The following KATNAL1 variants were observed in gnomAD, a reference collection of about 807,000 sequenced individuals.
KATNAL1 encodes the protein katanin catalytic subunit A1 like 1, also known as katanin p60 ATPase-containing subunit A-like 1.
Under a neutral mutation model 55.2 loss-of-function variants are expected in KATNAL1, and 32 were observed. The observed-to-expected ratio is 0.58, with a 90% confidence interval of 0.44 to 0.78. KATNAL1 has a LOEUF of 0.78. KATNAL1 is among the 30% of genes least tolerant of loss of function. The pLI is 0.00. For missense variants in KATNAL1, 466 were observed against 600.9 expected, an observed-to-expected ratio of 0.78 and a Z score of 2.35; for synonymous variants, 193 against 193.6, an observed-to-expected ratio of 1.00 and a Z score of 0.02.
At chr13:30,273,432 T>TA (rs1880529505) in intron 3 of KATNAL1, among the ~76,000 whole-genome samples, 1 of 152,204 alleles carries the variant, frequency 6.6e-6, no homozygotes, top group Non-Finnish European at 1.5e-5. Context: ...TAAAGTAACT[T>TA]AGAATCTTTA....
chr13:30,281,458 A>G (rs927474563), intron 2 of KATNAL1, among the ~76,000 whole-genome samples: 5 of 152,204 alleles, frequency 3.3e-5, no homozygotes, highest in African/African-American at 1.2e-4. Context: ...TATAAAAAAC[A>G]TTTCCATAAT....
intron 9 of KATNAL1, among the ~76,000 whole-genome samples, chr13:30,212,765 A>G (rs61946919): frequency 0.13 from 19,360 of 152,258 alleles, 1,586 homozygotes; most frequent in Admixed American, 0.23. Flanking sequence ...CCACCAAACA[A>G]TATGATGGAT....
At chr13:30,288,322 A>G (rs1024896821) in intron 1 of KATNAL1, among the ~76,000 whole-genome samples, 1 of 152,186 alleles carries the variant, frequency 6.6e-6, no homozygotes, top group Admixed American at 6.5e-5. Context: ...CATTCCAATT[A>G]AAGGTTAAAT....
rs1248983935 is a variant in KATNAL1, at chr13:30,205,560, C to G, written c.*2980G>C. ...CAAAACAAAACGAAGCAAAACAATT[C>G]AATCTCATTCTGGGTAAGGCAACAC... On this transcript the variant is annotated 3_prime_UTR_variant, in exon 11 of 11. Coordinates refer to ENST00000380615, the MANE Select transcript of KATNAL1 (RefSeq NM_032116.5). 1.3e-5 allele frequency: 2 copies of G among 152,238 alleles called. No individual in the cohort carries two copies. Among genetic ancestry groups the G allele is most frequent in the African/African-American group, 4.8e-5 (2 of 41,460 alleles). 9.4% of individuals were successfully genotyped at this position (152,238 alleles called of 1,614,324 possible). A position where few individuals can be genotyped will look rare whatever the true frequency, so the allele number is the denominator to read the frequency against.
chr13:30,277,333 T>C (rs1189890038), intron 3 of KATNAL1, among the ~76,000 whole-genome samples: 2 of 152,222 alleles, frequency 1.3e-5, no homozygotes, highest in Non-Finnish European at 2.9e-5. Flanking sequence ...TTCAATTCCA[T>C]GAAGTAGAGA....
intron 3 of KATNAL1, among the ~76,000 whole-genome samples, chr13:30,278,233 A>G (rs1460047514): frequency 6.6e-6 from 1 of 151,766 alleles, no homozygotes; most frequent in Non-Finnish European, 1.5e-5. Context: ...CAGACAATAT[A>G]CAATCTGAGA....
At chr13:30,245,928 C>A (rs1246253265) in intron 4 of KATNAL1, among the ~76,000 whole-genome samples, 2 of 152,172 alleles carry the variant, frequency 1.3e-5, no homozygotes, top group African/African-American at 2.4e-5. Flanking sequence ...ACATTCCATG[C>A]TCATGGATAG....
intron 3 of KATNAL1, among the ~76,000 whole-genome samples, chr13:30,257,692 C>A (rs919870386): frequency 6.6e-6 from 1 of 152,228 alleles, no homozygotes; most frequent in African/African-American, 2.4e-5. Flanking sequence ...AAAGCTCTTA[C>A]ACAGGCTGCA....
At chr13:30,224,106 G>A (rs1359476210) in intron 9 of KATNAL1, among the ~76,000 whole-genome samples, 1 of 151,874 alleles carries the variant, frequency 6.6e-6, no homozygotes, top group Non-Finnish European at 1.5e-5. Context: ...ATAACTAAAG[G>A]ACCAAAGAAA....
intron 4 of KATNAL1, among the ~76,000 whole-genome samples, chr13:30,241,911 A>G (rs1380200887): frequency 6.6e-6 from 1 of 152,178 alleles, no homozygotes; most frequent in Non-Finnish European, 1.5e-5. Flanking sequence ...TCACCCAAAA[A>G]AATAAATTAT....
At chr13:30,274,907 G>GCGCGCGCGCACACA (rs869107567) in intron 3 of KATNAL1, among the ~76,000 whole-genome samples, 87 of 105,420 alleles carry the variant, frequency 8.3e-4, no homozygotes, top group East Asian at 1.9e-3. Context: ...GCGCGCGCGC[G>GCGCGCGCGCACACA]CACACACACA....
intron 1 of KATNAL1, among the ~76,000 whole-genome samples, chr13:30,304,633 T>TC (rs1336196421): frequency 6.6e-6 from 1 of 152,166 alleles, no homozygotes; most frequent in African/African-American, 2.4e-5. Context: ...TACTCATTAC[T>TC]CCAATGTGAG....
chr13:30,250,066 A>T (rs1464795798), intron 4 of KATNAL1, among the ~76,000 whole-genome samples: 1 of 152,212 alleles, frequency 6.6e-6, no homozygotes, highest in East Asian at 1.9e-4. Flanking sequence ...TGGTGGAAAC[A>T]CCATAGAATG....
intron 3 of KATNAL1, among the ~76,000 whole-genome samples, chr13:30,271,118 A>T (rs1487250708): frequency 6.6e-6 from 1 of 152,158 alleles, no homozygotes; most frequent in Admixed American, 6.5e-5. Flanking sequence ...AAAATGGCAA[A>T]CACATCCTGA....
intron 9 of KATNAL1, among the ~76,000 whole-genome samples, chr13:30,213,239 T>C (rs913964011): frequency 3.3e-5 from 5 of 152,158 alleles, no homozygotes; most frequent in Non-Finnish European, 7.4e-5. Context: ...GTTGAATCTC[T>C]GAATAGACCA....
chr13:30,219,473 C>G (rs1215574447), intron 9 of KATNAL1, among the ~76,000 whole-genome samples: 1 of 152,220 alleles, frequency 6.6e-6, no homozygotes, highest in Non-Finnish European at 1.5e-5. Flanking sequence ...GTGCAGAGCT[C>G]TCGGCTCATG....
At chr13:30,229,050 G>A (rs908058874) in intron 8 of KATNAL1, among the ~76,000 whole-genome samples, 1 of 152,206 alleles carries the variant, frequency 6.6e-6, no homozygotes, top group Non-Finnish European at 1.5e-5. Flanking sequence ...ATTGCACTCA[G>A]TCCCTCACCC....
Position 30,227,437 on chromosome 13 carries a change from T to C in KATNAL1, c.1122A>G (p.Lys374=), listed in dbSNP as rs753512571. Residue 374 remains lysine (K), a synonymous_variant, in exon 9 of 11, where the codon AAA becomes AAG. Transcript: ENST00000380615. ...CTGTTGGGAGAGGTATATATATCCT[T>C]TTTTCTAACCTTCTTCGCAAAGCTT... ...IDEALRRRLE[K]RIYIPLPTAK... 3.1e-6 allele frequency: 5 copies of C among 1,614,026 alleles called. No homozygotes were observed. The highest frequency in any genetic ancestry group is 4.2e-6 in the Non-Finnish European group (5 of 1,179,942).
At chr13:30,234,115 C>T (rs560733675) in intron 6 of KATNAL1, among the ~76,000 whole-genome samples, 69 of 152,256 alleles carry the variant, frequency 4.5e-4, no homozygotes, top group African/African-American at 1.7e-3. Flanking sequence ...CCCATTTATA[C>T]TGATTGGATC....
Sources: gnomAD v4.1 joint callset for allele counts (sites outside exome capture counted in the v4.1 genomes callset) on GRCh38, gnomAD v4.1.1 for gene constraint, MANE v1.5 for transcripts, NCBI Gene and HGNC (gene_info 2026-07-23, HGNC 2026-07-21) for gene names.